SASH1: variants seen among roughly 807,000 people sequenced by gnomAD.
The protein encoded by SASH1 is SAM and SH3 domain containing 1.
SASH1 carries 44 observed loss-of-function variants against 125.2 expected under a neutral mutation model. The observed-to-expected ratio is 0.35, with a 90% CI of 0.28 to 0.45. The LOEUF is 0.45. SASH1 is among the 20% of genes least tolerant of loss of function. The pLI is 1.00. For missense variants in SASH1, 1,426 were observed against 1,614.5 expected (o/e 0.88, Z 2.00); for synonymous variants, 639 against 649.1 (o/e 0.98, Z 0.24).
At chr6:148,524,008 C>T (rs1780973712) in intron 10 of SASH1, among the ~76,000 whole-genome samples, 1 of 151,222 alleles carries the variant, frequency 6.6e-6, no homozygotes, top group Non-Finnish European at 1.5e-5. Context: ...AAGTAAGTGG[C>T]AGAACCAGGA....
chr6:148,492,851 A>G (rs939963064), intron 8 of SASH1, among the ~76,000 whole-genome samples: 3 of 151,374 alleles, frequency 2.0e-5, no homozygotes, highest in African/African-American at 7.3e-5. Flanking sequence ...TAAATAAATA[A>G]ATAAATAAAT....
chr6:148,231,460 G>T, the SASH1 span, among the ~76,000 whole-genome samples: 3 of 152,130 alleles, frequency 2.0e-5, no homozygotes, highest in African/African-American at 7.2e-5. Context: ...CCTAATCTGA[G>T]TCCATTGTAT....
chr6:148,223,691 A>G, the SASH1 span, among the ~76,000 whole-genome samples: 7 of 152,214 alleles, frequency 4.6e-5, no homozygotes. Context: ...GGAGTGACTA[A>G]TTGCAGGACA....
chr6:148,372,612 A>T (rs538028354), intron 1 of SASH1, among the ~76,000 whole-genome samples: 5 of 152,352 alleles, frequency 3.3e-5, no homozygotes, highest in Admixed American at 3.3e-4. Context: ...GCATAAAGCA[A>T]TATATAAATT....
the SASH1 span, among the ~76,000 whole-genome samples, chr6:148,266,238 G>A: frequency 6.6e-6 from 1 of 152,152 alleles, no homozygotes; most frequent in Non-Finnish European, 1.5e-5. Context: ...CAAAGTGCTG[G>A]GATTACAGGC....
At chr6:148,456,775 G>A (rs967804462) in intron 4 of SASH1, among the ~76,000 whole-genome samples, 5 of 151,458 alleles carry the variant, frequency 3.3e-5, no homozygotes, top group Non-Finnish European at 7.4e-5. Flanking sequence ...GAGGTGGGAG[G>A]ATCACCTGAG....
chr6:148,425,492 A>G (rs1447180549), intron 2 of SASH1, among the ~76,000 whole-genome samples: 1 of 152,164 alleles, frequency 6.6e-6, no homozygotes, highest in Non-Finnish European at 1.5e-5. Context: ...ACATCAAGAG[A>G]TCATCATTAA....
chr6:148,272,568 C>T lies in SASH1; in HGVS notation n.74+191C>T, dbSNP rs1026831402. On this transcript the variant is annotated intron_variant and non_coding_transcript_variant, in intron 1 of 3. Coordinates refer to the SASH1 transcript ENST00000367469. ...CTAGGCAGTGACTGCTTCGGAATTC[C>T]TTCACCGGGCTTTGCCATTTTTGTG... is the stretch of plus-strand genomic sequence containing the variant. Among the ~76,000 whole-genome samples the T allele has an allele frequency of 7.9e-5, 12 of 152,220 alleles. No homozygotes were observed. In the South Asian group the frequency reaches 2.3e-3, roughly 29 times the overall value.
intron 8 of SASH1, among the ~76,000 whole-genome samples, chr6:148,506,841 A>G (rs1039064093): frequency 2.0e-5 from 3 of 152,210 alleles, no homozygotes; most frequent in Non-Finnish European, 4.4e-5. Context: ...TCAGTCTTGG[A>G]TGAAGAAAGG....
At position 148,429,746 on chromosome 6, in the gene SASH1, A is replaced by T. The variant is rs546835008; in HGVS notation, c.286-10438A>T. On this transcript the variant is annotated intron_variant, in intron 2 of 19. Transcript: ENST00000367467. ...CGACAGAGCAAGATCCCATCTCTTT[A>T]AAAAAAAACAAAAACAAACAAACAA... Among the ~76,000 whole-genome samples the T allele has an allele frequency of 3.4e-5, 5 of 145,458 alleles. No individual in the cohort carries two copies. In the East Asian group the frequency reaches 9.8e-4, roughly 29 times the overall value.
intron 1 of SASH1, among the ~76,000 whole-genome samples, chr6:148,318,579 G>A (rs1462888280): frequency 7.0e-6 from 1 of 142,524 alleles, no homozygotes; most frequent in Non-Finnish European, 1.5e-5. Flanking sequence ...TTGAGACGGC[G>A]TCTCTTTCTG....
At chr6:148,520,035 C>A in intron 10 of SASH1, 142 bp downstream of exon 10, 1 of 639,154 alleles carries the variant, frequency 1.6e-6, no homozygotes, top group Non-Finnish European at 2.7e-6. Flanking sequence ...CAGAGCTTTT[C>A]TCTGCCAGCG....
At chr6:148,299,341 G>C (rs1274599347) in intron 1 of SASH1, among the ~76,000 whole-genome samples, 1 of 151,168 alleles carries the variant, frequency 6.6e-6, no homozygotes, top group Middle Eastern at 3.4e-3. Context: ...AGCATTTATT[G>C]GTGCTACAAG....
chr6:148,525,380 A>T lies in SASH1; in HGVS notation c.1284+15A>T. ...CTGACCCAATGGTGAGTAACATCAG[A>T]GGAAAGCAAAAAATATGGATTCAGG... is the stretch of plus-strand genomic sequence containing the variant. On this transcript the variant is annotated intron_variant, in intron 11 of 19. Transcript: ENST00000367467. 1 of 1,598,110 alleles carries T rather than the reference A, an allele frequency of 6.3e-7. No homozygotes were observed.
chr6:148,267,916 T>C (rs1429669354), upstream of SASH1, among the ~76,000 whole-genome samples: 1 of 152,048 alleles, frequency 6.6e-6, no homozygotes, highest in Admixed American at 6.5e-5. Flanking sequence ...AGTCTGAGAG[T>C]TGGAAGGGAT....
intron 1 of SASH1, among the ~76,000 whole-genome samples, chr6:148,319,337 AT>A (rs1213308489): frequency 6.6e-6 from 1 of 151,422 alleles, no homozygotes; most frequent in South Asian, 2.1e-4. Flanking sequence ...GCCCAGCCCC[AT>A]TTATCTTTTT....
At chr6:148,446,943 T>C (rs968135434) in intron 4 of SASH1, among the ~76,000 whole-genome samples, 1 of 152,350 alleles carries the variant, frequency 6.6e-6, no homozygotes, top group Non-Finnish European at 1.5e-5. Flanking sequence ...AATGCATTGC[T>C]TATGCAAATA....
chr6:148,313,518 A>G (rs1186361459), intron 1 of SASH1, among the ~76,000 whole-genome samples: 3 of 152,230 alleles, frequency 2.0e-5, no homozygotes, highest in African/African-American at 7.2e-5. Flanking sequence ...AAAGAAGGGT[A>G]GGAGAGGGTG....
rs531380249 is a variant in SASH1, at chr6:148,294,170, C to T, written n.74+21793C>T. Among the ~76,000 whole-genome samples, 43 of 152,294 alleles carry T rather than the reference C, an allele frequency of 2.8e-4. No homozygotes were observed. The East Asian group carries it at 7.9e-3, about 28-fold the overall frequency. The stretch of plus-strand genomic sequence containing the variant: ...TCTAAAGAGGCGTGCTTGGATTTTG[C>T]ACAAAAAAATTCGGGTCCATGGCCA... On this transcript the variant is annotated intron_variant and non_coding_transcript_variant, in intron 1 of 3. Coordinates refer to the SASH1 transcript ENST00000367469.
Sources: gnomAD v4.1 joint callset for allele counts (sites outside exome capture counted in the v4.1 genomes callset) on GRCh38, gnomAD v4.1.1 for gene constraint, MANE v1.5 for transcripts, NCBI Gene and HGNC (gene_info 2026-07-23, HGNC 2026-07-21) for gene names.